STAB1: variants seen among roughly 807,000 people sequenced by gnomAD.
STAB1 encodes stabilin 1, also known as stabilin-1.
Under a neutral mutation model 332.4 loss-of-function variants are expected in STAB1, and 250 were observed. That is an observed-to-expected ratio of 0.75 (90% CI 0.68 to 0.84). The LOEUF (loss-of-function observed/expected upper bound fraction) is 0.84. Among genes scored for constraint, STAB1 ranks in the 40% least tolerant of loss-of-function variants. STAB1 has a pLI of 0.00. For synonymous variants in STAB1, 1,475 were observed against 1,390.4 expected (o/e 1.06, Z -1.35); for missense variants, 3,249 against 3,489.7 (o/e 0.93, Z 1.74).
At chr3:52,523,385 T>G (rs763357247) in intron 64 of STAB1, 42 bp from the exon 65 acceptor site, 2 of 1,609,314 alleles carry the variant, frequency 1.2e-6, no homozygotes, top group South Asian at 2.2e-5. Context: ...GCATTGGCCA[T>G]CTCCATCTGG....
At position 52,524,350 on chromosome 3, in the gene STAB1, C is replaced by G; in HGVS notation, c.7707C>G (p.Val2569=). 2 of 1,613,808 alleles carry G rather than the reference C, an allele frequency of 1.2e-6. No homozygotes were observed. The highest frequency in any genetic ancestry group is 2.2e-5 in the East Asian group (1 of 44,868). Residue 2569 remains valine (V), a synonymous_variant, in exon 69 of 69, where the codon GTC becomes GTG. Coordinates refer to ENST00000321725, the MANE Select transcript of STAB1 (RefSeq NM_015136.3). ...CTGACACCCAGAGGATCCTCACAGT[C>G]AAGTGACGAGGCTGGGGCTGAAAGC... ...DFPDTQRILT[V]K
At position 52,501,193 on chromosome 3, in the gene STAB1, A is replaced by G; in HGVS notation, c.106A>G (p.Thr36Ala). 6.2e-7 allele frequency: 1 copy of G among 1,613,482 alleles called. No homozygotes were observed. The highest frequency in any genetic ancestry group is 1.1e-5 in the South Asian group (1 of 91,090). The part of the protein sequence containing the change: ...QVLFKGCDVK[T>A]TFVTHVPCTS... ...GCTGTTCAAAGGCTGTGATGTGAAA[A>G]CCACGTTTGTCACTCATGTACCCTG... The change falls in exon 2 of 69, where the codon ACC (threonine) becomes GCC (alanine). Residue 36 changes from threonine to alanine, a missense_variant. Coordinates refer to ENST00000321725, the MANE Select transcript of STAB1 (RefSeq NM_015136.3).
rs1325740431 is a variant in STAB1 at position 52,503,361 on chromosome 3, C to A, written c.712C>A (p.Pro238Thr). The change falls in exon 8 of 69, where the codon CCA (proline) becomes ACA (threonine). Residue 238 changes from proline to threonine, a missense_variant. Coordinates refer to ENST00000321725, the MANE Select transcript of STAB1 (RefSeq NM_015136.3). ...CCTGGCAGCCCCCAACCCCTGCTGG[C>A]CATCACCCTGCTCACTGCTGGCCCA... ...SECRAPNPCW[P>T]SPCSLLAQCS... 2 of 1,611,954 alleles carry A rather than the reference C, an allele frequency of 1.2e-6. No individual in the cohort carries two copies. The highest frequency in any genetic ancestry group is 1.3e-5 in the African/African-American group (1 of 74,928).
At chr3:52,506,923 A>G in intron 18 of STAB1, 73 bp downstream of exon 18, 1 of 1,569,876 alleles carries the variant, frequency 6.4e-7, no homozygotes. Context: ...TCCTCTTCCC[A>G]GGGAGAGGCG....
At chr3:52,506,320 CT>C in intron 17 of STAB1, 70 bp downstream of exon 17, 1 of 1,400,178 alleles carries the variant, frequency 7.1e-7, no homozygotes, top group South Asian at 1.2e-5. Context: ...GCCTCTCAGC[CT>C]TGTGTGCTCC....
At position 52,495,467 on chromosome 3, in the gene STAB1, A is replaced by G; in HGVS notation, c.54A>G (p.Ala18=). ...LPLCLLAFCL[A]GFSFVRGQVL... ...TCTGCCTCCTGGCCTTCTGCCTGGC[A>G]GGCTTCAGCTTCGTCAGGGGGCAGG... Residue 18 remains alanine (A), a synonymous_variant, in exon 1 of 69, where the codon GCA becomes GCG. Transcript: ENST00000321725. 2.2e-6 allele frequency: 3 copies of G among 1,340,966 alleles called. No individual in the cohort carries two copies. The highest frequency in any genetic ancestry group is 5.0e-5 in the South Asian group (2 of 40,118). 83.1% of individuals were successfully genotyped at this position (1,340,966 alleles called of 1,614,324 possible).
intron 54 of STAB1, 46 bp downstream of exon 54, chr3:52,520,744 A>G: frequency 1.2e-6 from 2 of 1,612,324 alleles, no homozygotes; most frequent in Middle Eastern, 1.6e-4. Flanking sequence ...GGGGGCAGGC[A>G]GAGCCCAAGG....
Position 52,506,694 on chromosome 3 carries a change from G to T in STAB1, c.1833G>T (p.Gly611=), listed in dbSNP as rs1344887548. Residue 611 remains glycine, a splice_region_variant and synonymous_variant, in exon 18 of 69, where the codon GGG becomes GGT. Transcript: ENST00000321725. ...QVLAVNISEE[G]RILLGPEGVP... is the part of the protein sequence containing the mutation. ...GGCTCAGTGGGTCTCTGCCGCAGGG[G>T]CGCATCCTGCTGGGACCCGAGGGGG... 6.2e-7 allele frequency: 1 copy of T among 1,609,038 alleles called. No individual in the cohort carries two copies. Among genetic ancestry groups the T allele is most frequent in the South Asian group, 1.1e-5 (1 of 90,664 alleles).
At chr3:52,508,536 G>C (rs1302408111) in intron 21 of STAB1, 177 bp downstream of exon 21, 1 of 681,662 alleles carries the variant, frequency 1.5e-6, no homozygotes, top group African/African-American at 1.8e-5. Context: ...AAAATAATTA[G>C]AGAGGCCAGG....
rs2078920349 is a variant in STAB1, at chr3:52,517,663, G to A, written c.4638+39G>A. 3 of 1,605,712 alleles carry A rather than the reference G, an allele frequency of 1.9e-6. No homozygotes were observed. In the African/African-American group the frequency reaches 4.0e-5, roughly 21 times the overall value. On this transcript the variant is annotated intron_variant, in intron 44 of 68. Coordinates refer to ENST00000321725, the MANE Select transcript of STAB1 (RefSeq NM_015136.3). ...TCCTGTCCTCCTTCACTGACGAGAAGGAGAGGGGACTGAGGCAGGAACCAG... is the reference window on the plus strand; with the variant it reads ...TCCTGTCCTCCTTCACTGACGAGAAAGAGAGGGGACTGAGGCAGGAACCAG...
chr3:52,506,528 G>A (rs1010552), intron 17 of STAB1, among the ~76,000 whole-genome samples, 164 bp from the exon 18 acceptor site: 5 of 152,104 alleles, frequency 3.3e-5, no homozygotes, highest in East Asian at 1.9e-4. Context: ...GAGCAGTGTC[G>A]TTGGCCAGAG....
At chr3:52,514,954 T>C in intron 35 of STAB1, 35 bp from the exon 36 acceptor site, 1 of 1,612,974 alleles carries the variant, frequency 6.2e-7, no homozygotes, top group East Asian at 2.2e-5. Flanking sequence ...GATCCAGGCC[T>C]GGACTGCCTG....
rs2078855260 is a variant in STAB1, at chr3:52,516,165, C to T, written c.4071C>T (p.His1357=). 1.2e-6 allele frequency: 2 copies of T among 1,612,450 alleles called. No homozygotes were observed. Among genetic ancestry groups the T allele is most frequent in the Non-Finnish European group, 1.7e-6 (2 of 1,179,806 alleles). ...GGTTCCTGGGCAGCGGGGAGTGCCACTGCCACGAGGGCTTCCATGGAACGG... is the reference window on the plus strand; with the variant it reads ...GGTTCCTGGGCAGCGGGGAGTGCCATTGCCACGAGGGCTTCCATGGAACGG... The part of the protein sequence containing the change: ...QDRFLGSGEC[H]CHEGFHGTAC... The change falls in exon 38 of 69, where the codon CAC becomes CAT. Residue 1357 remains histidine (H), a synonymous_variant. Transcript: ENST00000321725.
Position 52,523,682 on chromosome 3 carries a change from A to G in STAB1, c.7321A>G (p.Ile2441Val), listed in dbSNP as rs2153234314. 6.2e-7 allele frequency: 1 copy of G among 1,612,356 alleles called. No homozygotes were observed. Among genetic ancestry groups the G allele is most frequent in the East Asian group, 2.2e-5 (1 of 44,862 alleles). The part of the protein sequence containing the change: ...APGTVVVSRI[I>V]VWDIMAFNGI... Reference sequence around the variant, plus strand: ...AGGGACAGTTGTGGTTAGCCGTATCATTGTGTGGGACATCATGGCCTTCAA... The same window carrying G: ...AGGGACAGTTGTGGTTAGCCGTATCGTTGTGTGGGACATCATGGCCTTCAA... The change falls in exon 66 of 69, where the codon ATT (isoleucine) becomes GTT (valine). Residue 2441 changes from isoleucine (I) to valine (V), a missense_variant. Ile to Val is a conservative substitution (Grantham distance 29). Transcript: ENST00000321725.
chr3:52,513,660 C>T, intron 30 of STAB1, 57 bp from the exon 31 acceptor site: 9 of 1,555,074 alleles, frequency 5.8e-6, no homozygotes, highest in Non-Finnish European at 7.0e-6. Context: ...GGGGCTGCCC[C>T]ACCTTTAAGG....
intron 25 of STAB1, among the ~76,000 whole-genome samples, chr3:52,511,150 G>C (rs1401449273): frequency 6.6e-6 from 1 of 152,220 alleles, no homozygotes; most frequent in African/African-American, 2.4e-5. Flanking sequence ...ATGAGCCAGT[G>C]AGATGCTCCC....
Position 52,503,527 on chromosome 3 carries a change from A to T in STAB1, c.878A>T (p.Gln293Leu). ...AGCAACTCTACTTTGTGTGTGTACC[A>T]GAAGCCGGGCCAGGTGAGCCAGGGT... ...CPSNSTLCVYQKPGQAFCTCR... is the reference protein window; with the variant it reads ...CPSNSTLCVYLKPGQAFCTCR... The change falls in exon 8 of 69, where the codon CAG (glutamine) becomes CTG (leucine). Residue 293 changes from glutamine (Q) to leucine (L), a missense_variant. Coordinates refer to ENST00000321725, the MANE Select transcript of STAB1 (RefSeq NM_015136.3). 1 of 1,613,396 alleles carries T rather than the reference A, an allele frequency of 6.2e-7. No individual in the cohort carries two copies. Among genetic ancestry groups the T allele is most frequent in the Non-Finnish European group, 8.5e-7 (1 of 1,179,918 alleles).
intron 6 of STAB1, 100 bp from the exon 7 acceptor site, chr3:52,502,899 G>T: frequency 7.9e-7 from 1 of 1,265,170 alleles, no homozygotes; most frequent in Non-Finnish European, 1.1e-6. Context: ...CAAGGTCAGG[G>T]CCCTGCTCCA....
chr3:52,513,150 C>A lies in STAB1; in HGVS notation c.3179C>A (p.Ala1060Asp). ...GTCAGGGCCCATTTTCTCCAGGGTGCCCTCTTCGAGGAGGAGCTGGCCCGG... is the reference window on the plus strand; with the variant it reads ...GTCAGGGCCCATTTTCTCCAGGGTGACCTCTTCGAGGAGGAGCTGGCCCGG... ...NLVRAHFLQG[A>D]LFEEELARLG... is the part of the protein sequence containing the mutation. Residue 1060 changes from alanine to aspartate, a missense_variant, in exon 30 of 69, where the codon GCC becomes GAC. Ala to Asp is a moderately radical substitution (Grantham distance 126). Coordinates refer to ENST00000321725, the MANE Select transcript of STAB1 (RefSeq NM_015136.3). 6.4e-7 allele frequency: 1 copy of A among 1,573,216 alleles called. No individual in the cohort carries two copies. The highest frequency in any genetic ancestry group is 8.6e-7 in the Non-Finnish European group (1 of 1,159,138).
Sources: gnomAD v4.1 joint callset for allele counts (sites outside exome capture counted in the v4.1 genomes callset) on GRCh38, gnomAD v4.1.1 for gene constraint, MANE v1.5 for transcripts, NCBI Gene and HGNC (gene_info 2026-07-23, HGNC 2026-07-21) for gene names.